Variants in NRG3 observed in about 807,000 individuals in gnomAD.
NRG3 encodes the protein neuregulin 3, also known as pro-neuregulin-3, membrane-bound isoform.
In NRG3, 31 loss-of-function variants were observed where a neutral mutation model predicts 66.9. The ratio of observed to expected loss-of-function variants is 0.46; its 90% CI spans 0.35 to 0.63. NRG3 has a LOEUF of 0.63. Among genes scored for constraint, NRG3 ranks in the 20% least tolerant of loss-of-function variants. The pLI is 0.00. For synonymous variants in NRG3, 393 were observed against 359.4 expected, an observed-to-expected ratio of 1.09 and a Z score of -1.06; for missense variants, 910 against 878.9, an observed-to-expected ratio of 1.04 and a Z score of -0.45.
intron 2 of NRG3, among the ~76,000 whole-genome samples, chr10:82,383,515 T>TTCA (rs2085767633): frequency 6.6e-6 from 1 of 152,078 alleles, no homozygotes; most frequent in Admixed American, 6.6e-5. Context: ...TTTTACATTT[T>TTCA]TAATAATGAA....
At chr10:82,407,612 G>A (rs141698428) in intron 2 of NRG3, among the ~76,000 whole-genome samples, 2,458 of 152,228 alleles carry the variant, frequency 0.016, 56 homozygotes, top group African/African-American at 0.055. Flanking sequence ...ATGGATTTAT[G>A]TCAACCCTAG....
intron 1 of NRG3, among the ~76,000 whole-genome samples, chr10:82,021,176 TG>T (rs1267450594): frequency 6.6e-6 from 1 of 152,020 alleles, no homozygotes; most frequent in African/African-American, 2.4e-5. Context: ...ACCTGACCTT[TG>T]GGTCAGGGCA....
rs1006809619 is a variant in NRG3, at chr10:82,879,680, G to C, written c.1054+14243G>C. 1.1e-4 allele frequency among the ~76,000 whole-genome samples: 17 copies of C among 151,942 alleles called. 1 individual carries two copies. The highest frequency in any genetic ancestry group is 2.4e-4 in the Non-Finnish European group (16 of 67,986). ...TTAGTAGAGATGGGGGTTTCACCGTGTTAGCCAGGATGGTCTCGATCTCCT... is the reference window on the plus strand; with the variant it reads ...TTAGTAGAGATGGGGGTTTCACCGTCTTAGCCAGGATGGTCTCGATCTCCT... On this transcript the variant is annotated intron_variant, in intron 4 of 8. Coordinates refer to ENST00000372141, the MANE Select transcript of NRG3 (RefSeq NM_001010848.4).
At chr10:82,530,536 T>A (rs1314442177) in intron 2 of NRG3, among the ~76,000 whole-genome samples, 1 of 151,998 alleles carries the variant, frequency 6.6e-6, no homozygotes, top group Non-Finnish European at 1.5e-5. Flanking sequence ...TGTTCCGGAA[T>A]CATATATAAC....
chr10:82,353,418 A>G (rs1436187061), intron 1 of NRG3, among the ~76,000 whole-genome samples: 2 of 152,114 alleles, frequency 1.3e-5, no homozygotes, highest in Admixed American at 1.3e-4. Flanking sequence ...CTGTCTTCCA[A>G]CCCAACATTT....
At chr10:82,907,194 T>C (rs1264235453) in intron 4 of NRG3, among the ~76,000 whole-genome samples, 1 of 152,202 alleles carries the variant, frequency 6.6e-6, no homozygotes, top group Non-Finnish European at 1.5e-5. Context: ...CTCTTTGCTG[T>C]CTTCACTGAG....
intron 2 of NRG3, among the ~76,000 whole-genome samples, chr10:82,503,052 A>G (rs1046796286): frequency 1.3e-5 from 2 of 150,748 alleles, no homozygotes; most frequent in Non-Finnish European, 1.5e-5. Context: ...TCTTGTCTCA[A>G]TGGAAATAAC....
chr10:82,802,418 A>G lies in NRG3; in HGVS notation c.1028-62993A>G, dbSNP rs114910628. 6.3e-3 allele frequency among the ~76,000 whole-genome samples: 953 copies of G among 152,304 alleles called. 12 individuals are homozygous for G. The highest frequency in any genetic ancestry group is 0.022 in the African/African-American group (918 of 41,568). On this transcript the variant is annotated intron_variant, in intron 3 of 8. Coordinates refer to ENST00000372141, the MANE Select transcript of NRG3 (RefSeq NM_001010848.4). The stretch of plus-strand genomic sequence containing the variant: ...AACTTTTTTGAAAACAAACATGCTG[A>G]TCAAGGGGGTCAAATTGGTGAGCTC...
chr10:82,667,211 A>G (rs764683812), intron 2 of NRG3, among the ~76,000 whole-genome samples: 1 of 152,154 alleles, frequency 6.6e-6, no homozygotes, highest in Non-Finnish European at 1.5e-5. Flanking sequence ...TTGTGATATG[A>G]TTCTCATAAC....
intron 1 of NRG3, among the ~76,000 whole-genome samples, chr10:82,080,315 A>C (rs567073842): frequency 6.6e-6 from 1 of 152,238 alleles, no homozygotes; most frequent in South Asian, 2.1e-4. Context: ...CTTGGTGCAT[A>C]GTTTGCCCTT....
chr10:82,821,580 A>G (rs1320613323), intron 3 of NRG3, among the ~76,000 whole-genome samples: 1 of 152,122 alleles, frequency 6.6e-6, no homozygotes, highest in Non-Finnish European at 1.5e-5. Context: ...CTGGAAATCT[A>G]TAAACTTAGT....
intron 1 of NRG3, among the ~76,000 whole-genome samples, chr10:82,344,505 A>G (rs1451964019): frequency 1.4e-5 from 2 of 147,216 alleles, no homozygotes; most frequent in African/African-American, 5.4e-5. Context: ...GCTATTGTGA[A>G]TAATGCCGCA....
At chr10:82,909,798 A>G (rs181500504) in intron 4 of NRG3, among the ~76,000 whole-genome samples, 5 of 152,356 alleles carry the variant, frequency 3.3e-5, no homozygotes, top group African/African-American at 9.6e-5. Flanking sequence ...AAGAACAAGA[A>G]GAAGGATTTA....
intron 1 of NRG3, among the ~76,000 whole-genome samples, chr10:81,937,504 A>G (rs576508880): frequency 6.6e-6 from 1 of 152,226 alleles, no homozygotes; most frequent in East Asian, 1.9e-4. Flanking sequence ...TCTAAAGATT[A>G]GTGATGTTGA....
intron 2 of NRG3, among the ~76,000 whole-genome samples, chr10:82,370,609 T>G (rs1349612550): frequency 6.6e-6 from 1 of 152,042 alleles, no homozygotes; most frequent in Non-Finnish European, 1.5e-5. Flanking sequence ...CAACCCAGTA[T>G]TTTCCCATTT....
chr10:82,172,518 T>C (rs567460821), intron 1 of NRG3, among the ~76,000 whole-genome samples: 1 of 152,260 alleles, frequency 6.6e-6, no homozygotes, highest in East Asian at 1.9e-4. Flanking sequence ...ACAAGAAATC[T>C]ACGCTTAAAT....
rs771020969 is a variant in NRG3 at position 82,973,909 on chromosome 10, A to C, written c.1406A>C (p.His469Pro). Residue 469 changes from histidine to proline, a missense_variant, in exon 7 of 9, where the codon CAC becomes CCC. Coordinates refer to ENST00000372141, the MANE Select transcript of NRG3 (RefSeq NM_001010848.4). ...GACAGAGGAAGCCAGTCTGTCAAAC[A>C]CCACAGGTACAAGTAGCTCATCATG... is the stretch of plus-strand genomic sequence containing the variant. ...SPDRGSQSVK[H>P]HRSLSSCCSP... 7 of 1,613,894 alleles carry C rather than the reference A, an allele frequency of 4.3e-6. No homozygotes were observed. Among genetic ancestry groups the C allele is most frequent in the Non-Finnish European group, 5.1e-6 (6 of 1,179,916 alleles).
chr10:82,794,806 C>G (rs912285836), intron 3 of NRG3, among the ~76,000 whole-genome samples: 1 of 91,628 alleles, frequency 1.1e-5, no homozygotes, highest in Non-Finnish European at 2.4e-5. Context: ...CAGCTACCAT[C>G]GATCTACACT....
chr10:82,168,525 C>G (rs1355570607), intron 1 of NRG3, among the ~76,000 whole-genome samples: 1 of 152,102 alleles, frequency 6.6e-6, no homozygotes, highest in Admixed American at 6.6e-5. Flanking sequence ...TGAGCTTTTT[C>G]TTTTCTCACA....
Sources: allele counts gnomAD v4.1 joint callset (sites outside exome capture counted in the v4.1 genomes callset), GRCh38; gene constraint gnomAD v4.1.1; transcripts MANE v1.5; gene names NCBI Gene and HGNC (gene_info 2026-07-23, HGNC 2026-07-21).